The following LARGE1 variants were observed in gnomAD, a reference collection of about 807,000 sequenced individuals.
The protein encoded by LARGE1 is xylosyl- and glucuronyltransferase LARGE1.
Under a neutral mutation model 87.6 loss-of-function variants are expected in LARGE1, and 43 were observed. The observed-to-expected ratio is 0.49, with a 90% confidence interval of 0.38 to 0.63. The LOEUF is 0.63. Among genes scored for constraint, LARGE1 ranks in the 30% least tolerant of loss-of-function variants. LARGE1 has a pLI of 0.00. For synonymous variants in LARGE1, 434 were observed against 394.6 expected (o/e 1.10, Z -1.18); for missense variants, 802 against 1,000.2 (o/e 0.80, Z 2.67).
In LARGE1 at chr22:33,670,861, C is replaced by A. The variant is rs548853588; in HGVS notation, c.107-20193G>T. Among the ~76,000 whole-genome samples, 12 of 152,170 alleles carry A rather than the reference C, an allele frequency of 7.9e-5. No homozygotes were observed. In the South Asian group the frequency reaches 2.5e-3, roughly 32 times the overall value. On this transcript the variant is annotated intron_variant, in intron 2 of 14. Coordinates refer to ENST00000397394, the MANE Select transcript of LARGE1 (RefSeq NM_133642.5). ...TTTTTCCCTTCAATTTATATGTATC[C>A]TTTTTTTCAGACAGCTACTAAGTTG...
chr22:33,640,026 G>A (rs979639375), intron 3 of LARGE1, among the ~76,000 whole-genome samples: 3 of 152,196 alleles, frequency 2.0e-5, no homozygotes, highest in African/African-American at 4.8e-5. Flanking sequence ...TCGGAGCCCA[G>A]AGAAGTTTCC....
At chr22:33,234,091 G>C (rs189144085) in intron 11 of LARGE1, among the ~76,000 whole-genome samples, 5 of 152,200 alleles carry the variant, frequency 3.3e-5, no homozygotes, top group African/African-American at 9.7e-5. Flanking sequence ...ATCTACAAAA[G>C]TCTTGCTCAT....
chr22:33,766,065 G>A lies in LARGE1; in HGVS notation c.-82-4507C>T, dbSNP rs114571696. On this transcript the variant is annotated intron_variant, in intron 1 of 14. Transcript: ENST00000397394. Reference sequence around the variant, plus strand: ...AGAAAAATCTCAATCTATATCAGAAGTTACTCCAGGAAGTCAACACAGAAA... The same window carrying A: ...AGAAAAATCTCAATCTATATCAGAAATTACTCCAGGAAGTCAACACAGAAA... 5.7e-3 allele frequency among the ~76,000 whole-genome samples: 861 copies of A among 152,246 alleles called. 10 individuals are homozygous for A. The highest frequency in any genetic ancestry group is 0.02 in the African/African-American group (811 of 41,532).
chr22:33,125,834 G>T, the LARGE1 span, among the ~76,000 whole-genome samples: 1 of 152,068 alleles, frequency 6.6e-6, no homozygotes, highest in African/African-American at 2.4e-5. Flanking sequence ...TGTAACTTCC[G>T]CTTCCTGGGT....
downstream of LARGE1, among the ~76,000 whole-genome samples, chr22:33,161,125 C>T (rs10427804): frequency 0.028 from 4,283 of 152,150 alleles, 201 homozygotes; most frequent in African/African-American, 0.098. Context: ...AGAGAAATGC[C>T]GAGCAAGTGG....
At chr22:33,454,754 G>C (rs1474182872) in intron 6 of LARGE1, among the ~76,000 whole-genome samples, 1 of 152,154 alleles carries the variant, frequency 6.6e-6, no homozygotes, top group African/African-American at 2.4e-5. Context: ...AGGCAAAACA[G>C]AAACAGACAC....
intron 5 of LARGE1, among the ~76,000 whole-genome samples, chr22:33,584,532 C>A (rs2078612727): frequency 6.6e-6 from 1 of 152,222 alleles, no homozygotes; most frequent in African/African-American, 2.4e-5. Flanking sequence ...GAACAGTGTG[C>A]ATTCAGCAAA....
intron 1 of LARGE1, among the ~76,000 whole-genome samples, chr22:33,859,987 G>A (rs547871368): frequency 8.5e-5 from 13 of 152,236 alleles, no homozygotes; most frequent in Non-Finnish European, 1.6e-4. Flanking sequence ...GGGAGTTCTT[G>A]TTCAAAGGAT....
intron 1 of LARGE1, among the ~76,000 whole-genome samples, chr22:33,905,666 G>A (rs894378076): frequency 2.6e-5 from 4 of 152,184 alleles, no homozygotes; most frequent in South Asian, 2.1e-4. Flanking sequence ...GTTTCAACAC[G>A]TAAAAGACAA....
At chr22:33,307,873 C>T (rs757381284) in intron 11 of LARGE1, among the ~76,000 whole-genome samples, 14 of 151,900 alleles carry the variant, frequency 9.2e-5, no homozygotes, top group Non-Finnish European at 1.9e-4. Context: ...GGTTCTCTCC[C>T]CTCATGTGTT....
In LARGE1 at chr22:33,527,217, T is replaced by C. The variant is rs548088514; in HGVS notation, c.787+37631A>G. Among the ~76,000 whole-genome samples, 5 of 152,218 alleles carry C rather than the reference T, an allele frequency of 3.3e-5. No individual in the cohort carries two copies. The East Asian group carries it at 5.8e-4, about 18-fold the overall frequency. Reference sequence around the variant, plus strand: ...GTTGCAGTGAGCCGAGATCGCACCATTGCACTCCGGCCTGGGCAACAAGAG... The same window carrying C: ...GTTGCAGTGAGCCGAGATCGCACCACTGCACTCCGGCCTGGGCAACAAGAG... On this transcript the variant is annotated intron_variant, in intron 6 of 14. Transcript: ENST00000397394.
intron 11 of LARGE1, among the ~76,000 whole-genome samples, chr22:33,233,031 T>G (rs572629314): frequency 5.3e-5 from 8 of 152,306 alleles, no homozygotes; most frequent in African/African-American, 1.7e-4. Flanking sequence ...GCTTCAAAGG[T>G]TGAATGTGCT....
At chr22:33,244,240 C>G (rs898094294) in intron 11 of LARGE1, among the ~76,000 whole-genome samples, 1 of 152,038 alleles carries the variant, frequency 6.6e-6, no homozygotes, top group Non-Finnish European at 1.5e-5. Flanking sequence ...CGTGATCCGC[C>G]CACTTCGGCC....
At chr22:33,444,972 G>A (rs946514662) in intron 6 of LARGE1, among the ~76,000 whole-genome samples, 1 of 152,148 alleles carries the variant, frequency 6.6e-6, no homozygotes, top group East Asian at 1.9e-4. Flanking sequence ...TGGGATTACA[G>A]GCGCGTACCA....
At chr22:33,372,441 G>T (rs1437620676) in intron 9 of LARGE1, among the ~76,000 whole-genome samples, 5 of 152,178 alleles carry the variant, frequency 3.3e-5, no homozygotes, top group Non-Finnish European at 7.3e-5. Context: ...AGGTTTAAGG[G>T]ACTCACAGTT....
At chr22:33,832,379 T>C (rs2062995670) in intron 1 of LARGE1, among the ~76,000 whole-genome samples, 1 of 152,080 alleles carries the variant, frequency 6.6e-6, no homozygotes, top group African/African-American at 2.4e-5. Context: ...GGAACAGAAC[T>C]GAGAGGGAAT....
chr22:33,888,658 C>A (rs1216344223), intron 1 of LARGE1, among the ~76,000 whole-genome samples: 1 of 152,100 alleles, frequency 6.6e-6, no homozygotes, highest in Non-Finnish European at 1.5e-5. Flanking sequence ...GACTTAGAAA[C>A]CAGCCTGGGC....
At chr22:33,124,364 G>GGAAGGAAGGAAGGAAGGAAA in the LARGE1 span, among the ~76,000 whole-genome samples, 2 of 149,154 alleles carry the variant, frequency 1.3e-5, no homozygotes, top group African/African-American at 2.5e-5. Flanking sequence ...AAAGAAGGAA[G>GGAAGGAAGGAAGGAAGGAAA]GAAGGAAGGA....
At chr22:33,323,749 C>T (rs1415351737) in intron 10 of LARGE1, among the ~76,000 whole-genome samples, 2 of 152,252 alleles carry the variant, frequency 1.3e-5, no homozygotes, top group African/African-American at 2.4e-5. Flanking sequence ...CTGTAGTTAA[C>T]TAATTCCCTG....
Sources: allele counts gnomAD v4.1 joint callset (sites outside exome capture counted in the v4.1 genomes callset), GRCh38; gene constraint gnomAD v4.1.1; transcripts MANE v1.5; gene names NCBI Gene and HGNC (gene_info 2026-07-23, HGNC 2026-07-21).